Variants in B3GALT1 observed in about 807,000 individuals in gnomAD.
B3GALT1 encodes the protein UDP-Gal:betaGlcNAc beta 1,3-galactosyltransferase, polypeptide 1.
B3GALT1 carries 10 observed loss-of-function variants against 23.2 expected under a neutral mutation model. The ratio of observed to expected loss-of-function variants is 0.43; its 90% CI spans 0.27 to 0.73. B3GALT1 has a LOEUF of 0.73. Ranked by LOEUF, B3GALT1 falls within the 30% of genes least tolerant of loss-of-function variation. The probability of loss-of-function intolerance (pLI) is 0.21; values close to 1 mark genes in which losing one functional copy is unlikely to be tolerated. For synonymous variants in B3GALT1, 156 were observed against 141.5 expected, an observed-to-expected ratio of 1.10 and a Z score of -0.73; for missense variants, 299 against 405.4, an observed-to-expected ratio of 0.74 and a Z score of 2.25.
chr2:167,836,924 A>G (rs906091006), intron 4 of B3GALT1, among the ~76,000 whole-genome samples: 5 of 152,148 alleles, frequency 3.3e-5, no homozygotes, highest in Admixed American at 2.6e-4. Context: ...ATCCAGCCAA[A>G]CTAAGCTTCA....
At chr2:167,465,469 C>CTGCT (rs1232775482) in intron 1 of B3GALT1, among the ~76,000 whole-genome samples, 1 of 152,176 alleles carries the variant, frequency 6.6e-6, no homozygotes, top group Non-Finnish European at 1.5e-5. Flanking sequence ...AGCTCACTTT[C>CTGCT]TGCTTCAAAG....
chr2:167,564,049 G>A (rs1437369174), intron 2 of B3GALT1, among the ~76,000 whole-genome samples: 6 of 150,342 alleles, frequency 4.0e-5, no homozygotes, highest in Admixed American at 1.3e-4. Flanking sequence ...GGGAGGAGAC[G>A]CTCCTCACTT....
At chr2:167,546,556 C>T (rs1397665337) in intron 2 of B3GALT1, among the ~76,000 whole-genome samples, 1 of 152,146 alleles carries the variant, frequency 6.6e-6, no homozygotes, top group African/African-American at 2.4e-5. Context: ...TCACCCCCCA[C>T]CCCAACTCCC....
At chr2:167,748,770 G>T (rs1362289037) in intron 3 of B3GALT1, among the ~76,000 whole-genome samples, 3 of 152,200 alleles carry the variant, frequency 2.0e-5, no homozygotes, top group African/African-American at 4.8e-5. Context: ...TAAGGAGTCT[G>T]TGGGAGAAAG....
intron 1 of B3GALT1, among the ~76,000 whole-genome samples, chr2:167,389,418 A>G (rs1374337221): frequency 1.3e-5 from 2 of 152,182 alleles, no homozygotes; most frequent in Admixed American, 1.3e-4. Context: ...CAATGTGGGT[A>G]TGAGTAACTG....
chr2:167,505,017 A>G lies in B3GALT1; in HGVS notation c.-410+14740A>G, dbSNP rs149381851. Among the ~76,000 whole-genome samples the G allele has an allele frequency of 9.2e-4, 140 of 152,082 alleles. 3 individuals are homozygous for G. The East Asian group carries it at 0.022, about 24-fold the overall frequency. The stretch of plus-strand genomic sequence containing the variant: ...TCAGTGTATAGTTCTGTATGTATTG[A>G]TATAGAGAGATCTACAAAATATATT... On this transcript the variant is annotated intron_variant, in intron 2 of 4. Coordinates refer to ENST00000392690, the MANE Select transcript of B3GALT1 (RefSeq NM_020981.4).
At position 167,724,970 on chromosome 2, in the gene B3GALT1, G is replaced by A. The variant is rs372055418; in HGVS notation, c.-352+78004G>A. Reference sequence around the variant, plus strand: ...TCAGTGCTTGGAGAACATGACCACTGGAGAACCCCAGTTTTATTATTCAGA... The same window carrying A: ...TCAGTGCTTGGAGAACATGACCACTAGAGAACCCCAGTTTTATTATTCAGA... On this transcript the variant is annotated intron_variant, in intron 3 of 4. Transcript: ENST00000392690. 2.6e-5 allele frequency among the ~76,000 whole-genome samples: 4 copies of A among 152,268 alleles called. No homozygotes were observed. The East Asian group carries it at 7.7e-4, about 29-fold the overall frequency.
At chr2:167,378,355 C>G (rs1697795883) in intron 1 of B3GALT1, among the ~76,000 whole-genome samples, 1 of 152,016 alleles carries the variant, frequency 6.6e-6, no homozygotes, top group Non-Finnish European at 1.5e-5. Flanking sequence ...TTTCTTGTAT[C>G]TGGATGTCAA....
At chr2:167,675,020 T>A (rs1032986159) in intron 3 of B3GALT1, among the ~76,000 whole-genome samples, 2 of 152,204 alleles carry the variant, frequency 1.3e-5, no homozygotes, top group African/African-American at 2.4e-5. Flanking sequence ...TACAGACACA[T>A]AACAGCCTTA....
chr2:167,506,308 G>A (rs946477586), intron 2 of B3GALT1, among the ~76,000 whole-genome samples: 26 of 152,150 alleles, frequency 1.7e-4, no homozygotes, highest in Admixed American at 9.2e-4. Context: ...AGTACAATGT[G>A]TAGAGATTTA....
chr2:167,390,191 C>T (rs184500267), intron 1 of B3GALT1, among the ~76,000 whole-genome samples: 1 of 152,116 alleles, frequency 6.6e-6, no homozygotes, highest in Non-Finnish European at 1.5e-5. Context: ...GAGCCATGTG[C>T]AAGTGGGGTT....
intron 1 of B3GALT1, among the ~76,000 whole-genome samples, chr2:167,434,592 G>A (rs1698750385): frequency 6.6e-6 from 1 of 150,802 alleles, no homozygotes; most frequent in South Asian, 2.1e-4. Flanking sequence ...CTGTGTATTA[G>A]GGTATAAATC....
chr2:167,341,084 A>C (rs1697139818), intron 1 of B3GALT1, among the ~76,000 whole-genome samples: 1 of 152,256 alleles, frequency 6.6e-6, no homozygotes. Context: ...AACAGAAAAT[A>C]GGATCATAGA....
intron 1 of B3GALT1, among the ~76,000 whole-genome samples, chr2:167,362,178 ATAT>A (rs1697510309): frequency 6.6e-6 from 1 of 152,114 alleles, no homozygotes; most frequent in South Asian, 2.1e-4. Flanking sequence ...AAGCTATATA[ATAT>A]TTTGTAAATT....
At chr2:167,478,192 A>G (rs1243361268) in intron 1 of B3GALT1, among the ~76,000 whole-genome samples, 1 of 152,196 alleles carries the variant, frequency 6.6e-6, no homozygotes, top group Non-Finnish European at 1.5e-5. Context: ...AGATTAATGC[A>G]AAGGAGTTTG....
chr2:167,715,364 T>C, intron 3 of B3GALT1: 1 of 1,613,898 alleles, frequency 6.2e-7, no homozygotes, highest in Non-Finnish European at 8.5e-7. Flanking sequence ...AGTCACTTGT[T>C]CTTTCCATAC....
chr2:167,346,376 T>A (rs1697221819), intron 1 of B3GALT1, among the ~76,000 whole-genome samples: 1 of 152,186 alleles, frequency 6.6e-6, no homozygotes, highest in Admixed American at 6.5e-5. Flanking sequence ...ATATATCTAC[T>A]CTGATTTACT....
At chr2:167,772,102 G>T (rs1317366424) in intron 3 of B3GALT1, among the ~76,000 whole-genome samples, 1 of 146,552 alleles carries the variant, frequency 6.8e-6, no homozygotes, top group Non-Finnish European at 1.5e-5. Context: ...GGCTGCCATG[G>T]TTTCTAGTCC....
intron 3 of B3GALT1, among the ~76,000 whole-genome samples, chr2:167,790,434 C>T (rs1225111461): frequency 6.6e-6 from 1 of 152,196 alleles, no homozygotes; most frequent in African/African-American, 2.4e-5. Flanking sequence ...GCTGTGGCCA[C>T]AGTTTCCTAT....
Sources: gnomAD v4.1 joint callset for allele counts (sites outside exome capture counted in the v4.1 genomes callset) on GRCh38, gnomAD v4.1.1 for gene constraint, MANE v1.5 for transcripts, NCBI Gene and HGNC (gene_info 2026-07-23, HGNC 2026-07-21) for gene names.